Variants in SUGP1 observed in about 807,000 individuals in gnomAD.
SUGP1 encodes the protein SURP and G-patch domain containing 1.
A neutral mutation model predicts 76.5 loss-of-function variants in SUGP1; 34 were observed. The ratio of observed to expected loss-of-function variants is 0.44; its 90% CI spans 0.34 to 0.59. SUGP1 has a LOEUF of 0.59. Ranked by LOEUF, SUGP1 falls within the 20% of genes least tolerant of loss-of-function variation. The pLI is 0.01. For synonymous variants in SUGP1, 326 were observed against 326.2 expected (o/e 1.00, Z 0.01); for missense variants, 752 against 851.7 (o/e 0.88, Z 1.46).
chr19:19,318,134 T>TTTTTTTTG (rs2061408859), intron 1 of SUGP1, among the ~76,000 whole-genome samples: 1 of 146,018 alleles, frequency 6.8e-6, no homozygotes, highest in Non-Finnish European at 1.5e-5. Flanking sequence ...TTTTTTTTTT[T>TTTTTTTTG]GAGATGAAGT....
At chr19:19,320,353 G>A (rs1444743285) in intron 1 of SUGP1, 110 bp downstream of exon 1, 4 of 1,226,798 alleles carry the variant, frequency 3.3e-6, no homozygotes, top group East Asian at 2.6e-5. Context: ...GCTGCCCCGG[G>A]GCTGAAGCGA....
At chr19:19,286,747 T>A (rs956246735) in intron 8 of SUGP1, among the ~76,000 whole-genome samples, 22 of 151,768 alleles carry the variant, frequency 1.4e-4, no homozygotes, top group African/African-American at 2.9e-4. Context: ...AATAAAAATT[T>A]AAAAAAATAG....
In SUGP1 at chr19:19,297,170, G is replaced by A. The variant is rs768801154; in HGVS notation, c.1062C>T (p.Pro354=). ...TAGTGGGCGCAGGCGTGGACGAGGC[G>A]GGGCAGGTGGTGGCTGGGGGTAAGG... ...SGSLPPATTC[P]ASSTPAPTII... is the part of the protein sequence containing the mutation. Residue 354 remains proline, a synonymous_variant, in exon 8 of 14, where the codon CCC becomes CCT. Transcript: ENST00000247001. The A allele has an allele frequency of 3.0e-5, 48 of 1,611,300 alleles. No homozygotes were observed. Among genetic ancestry groups the A allele is most frequent in the Admixed American group, 5.0e-5 (3 of 59,892 alleles).
chr19:19,302,121 G>C, intron 7 of SUGP1, 144 bp downstream of exon 7: 1 of 1,319,200 alleles, frequency 7.6e-7, no homozygotes, highest in Non-Finnish European at 1.0e-6. Flanking sequence ...GCAGAGCTGG[G>C]CTCTGGGGTC....
intron 8 of SUGP1, among the ~76,000 whole-genome samples, chr19:19,284,053 G>A (rs1292604468): frequency 1.3e-5 from 2 of 152,164 alleles, no homozygotes; most frequent in African/African-American, 2.4e-5. Flanking sequence ...TTAGCAAATT[G>A]CATATTGCGG....
chr19:19,310,763 C>T (rs1344881816), intron 2 of SUGP1, among the ~76,000 whole-genome samples: 1 of 152,200 alleles, frequency 6.6e-6, no homozygotes, highest in African/African-American at 2.4e-5. Context: ...CATGTCTCAG[C>T]CTCCTGAGCA....
chr19:19,294,466 A>G (rs1325027712), intron 8 of SUGP1, among the ~76,000 whole-genome samples: 2 of 142,888 alleles, frequency 1.4e-5, no homozygotes, highest in African/African-American at 5.3e-5. Context: ...TCGAGGCTGC[A>G]GTGAGTAGCC....
intron 8 of SUGP1, among the ~76,000 whole-genome samples, chr19:19,282,738 T>G (rs2061107906): frequency 1.3e-5 from 2 of 151,980 alleles, no homozygotes; most frequent in Admixed American, 1.3e-4. Flanking sequence ...TCGAAAAAAG[T>G]CAGATGAACC....
chr19:19,276,950 G>A lies in SUGP1; in HGVS notation c.1908C>T (p.Pro636=), dbSNP rs779875960. ...MMLAYRFRPN[P]LNNPRRPYY ...CAGCCCAGGAGGACATGCGTACCAG[G>A]GGGTTGGGCCGGAAGCGGTAGGCCA... Residue 636 remains proline, a synonymous_variant, in exon 13 of 14, where the codon CCC becomes CCT. Transcript: ENST00000247001. 14 of 1,612,928 alleles carry A rather than the reference G, an allele frequency of 8.7e-6. No homozygotes were observed. Among genetic ancestry groups the A allele is most frequent in the African/African-American group, 1.3e-5 (1 of 74,922 alleles).
chr19:19,291,164 A>AT (rs2061180448), intron 8 of SUGP1, among the ~76,000 whole-genome samples: 1 of 152,198 alleles, frequency 6.6e-6, no homozygotes, highest in Non-Finnish European at 1.5e-5. Flanking sequence ...TCTAAAACCA[A>AT]TAACCTAAGC....
intron 10 of SUGP1, among the ~76,000 whole-genome samples, 195 bp downstream of exon 10, chr19:19,279,018 C>T (rs2061075781): frequency 6.6e-6 from 1 of 152,168 alleles, no homozygotes; most frequent in Admixed American, 6.5e-5. Context: ...AGGACTGCTC[C>T]TTTTCACCAC....
chr19:19,279,081 C>A, intron 10 of SUGP1, 132 bp downstream of exon 10: 1 of 1,078,296 alleles, frequency 9.3e-7, no homozygotes. Flanking sequence ...GCCTCACAGC[C>A]ACAGGAAGCA....
Position 19,297,151 on chromosome 19 carries a change from G to A in SUGP1, c.1081C>T (p.Pro361Ser), listed in dbSNP as rs1449082090. ...GCAGCTGGAGCAGGGATGATAGTGG[G>A]CGCAGGCGTGGACGAGGCGGGGCAG... ...TTCPASSTPA[P>S]TIIPAPAAPG... Residue 361 changes from proline to serine, a missense_variant, in exon 8 of 14, where the codon CCC becomes TCC. Transcript: ENST00000247001. 1.4e-5 allele frequency: 23 copies of A among 1,613,666 alleles called. No homozygotes were observed. The highest frequency in any genetic ancestry group is 1.9e-5 in the Non-Finnish European group (22 of 1,179,772).
At chr19:19,279,804 A>G (rs967778001) in intron 9 of SUGP1, among the ~76,000 whole-genome samples, 1 of 152,220 alleles carries the variant, frequency 6.6e-6, no homozygotes, top group Non-Finnish European at 1.5e-5. Context: ...TGTGCTGACC[A>G]GGATGGTCCT....
chr19:19,285,207 C>A (rs2061130581), intron 8 of SUGP1, among the ~76,000 whole-genome samples: 1 of 151,622 alleles, frequency 6.6e-6, no homozygotes, highest in South Asian at 2.1e-4. Context: ...GCTCTGTCAC[C>A]CAGGATGGAG....
At chr19:19,277,208 G>A (rs544760905) in intron 12 of SUGP1, 132 bp from the exon 13 acceptor site, 10 of 693,468 alleles carry the variant, frequency 1.4e-5, no homozygotes, top group East Asian at 1.2e-4. Context: ...ACAGAGAGAA[G>A]CTTGAACCTG....
At chr19:19,282,767 GA>G (rs1035203686) in intron 8 of SUGP1, among the ~76,000 whole-genome samples, 1 of 151,282 alleles carries the variant, frequency 6.6e-6, no homozygotes, top group Non-Finnish European at 1.5e-5. Flanking sequence ...TAGAAATACT[GA>G]AAAAAAAATC....
At chr19:19,307,984 A>G (rs994676939) in intron 3 of SUGP1, among the ~76,000 whole-genome samples, 2 of 151,898 alleles carry the variant, frequency 1.3e-5, no homozygotes, top group African/African-American at 4.8e-5. Flanking sequence ...CATGATTAAC[A>G]AAGATCAGAA....
intron 8 of SUGP1, among the ~76,000 whole-genome samples, chr19:19,286,703 CA>C (rs1215407808): frequency 1.3e-5 from 2 of 151,738 alleles, no homozygotes; most frequent in Admixed American, 6.6e-5. Context: ...GGCAACATAA[CA>C]AATCTCTTGT....
Sources: allele counts gnomAD v4.1 joint callset (sites outside exome capture counted in the v4.1 genomes callset), GRCh38; gene constraint gnomAD v4.1.1; transcripts MANE v1.5; gene names NCBI Gene and HGNC (gene_info 2026-07-23, HGNC 2026-07-21).